Variants in PTPRN2 observed in about 807,000 individuals in gnomAD.
The protein encoded by PTPRN2 is protein tyrosine phosphatase receptor type N2.
PTPRN2 carries 74 observed loss-of-function variants against 118.8 expected under a neutral mutation model. The observed-to-expected ratio is 0.62, with a 90% CI of 0.52 to 0.76. PTPRN2 has a LOEUF of 0.76. Ranked by LOEUF, PTPRN2 falls within the 30% of genes least tolerant of loss-of-function variation. The pLI is 0.00. For synonymous variants in PTPRN2, 641 were observed against 608.0 expected, an observed-to-expected ratio of 1.05 and a Z score of -0.80; for missense variants, 1,481 against 1,394.4, an observed-to-expected ratio of 1.06 and a Z score of -0.99.
intron 12 of PTPRN2, among the ~76,000 whole-genome samples, chr7:157,890,010 A>G (rs1796707913): frequency 6.6e-6 from 1 of 152,100 alleles, no homozygotes; most frequent in Non-Finnish European, 1.5e-5. Context: ...ATGAAATCAC[A>G]GAATTTGATT....
chr7:157,941,481 C>T (rs976051565), intron 11 of PTPRN2, among the ~76,000 whole-genome samples: 4 of 151,040 alleles, frequency 2.6e-5, no homozygotes, highest in Admixed American at 6.6e-5. Context: ...CCCCCTCCCC[C>T]CTCCGTGACA....
intron 6 of PTPRN2, among the ~76,000 whole-genome samples, chr7:158,151,712 C>T (rs963434381): frequency 6.6e-6 from 1 of 152,058 alleles, no homozygotes; most frequent in African/African-American, 2.4e-5. Context: ...CAATCTTCCT[C>T]CCTCCCTCCC....
At chr7:157,941,629 C>T (rs1190291894) in intron 11 of PTPRN2, among the ~76,000 whole-genome samples, 3 of 152,246 alleles carry the variant, frequency 2.0e-5, no homozygotes, top group Non-Finnish European at 4.4e-5. Context: ...GCCATCTGTG[C>T]AGGGACATAC....
chr7:158,104,197 C>T (rs1815477848), intron 10 of PTPRN2, among the ~76,000 whole-genome samples: 1 of 152,174 alleles, frequency 6.6e-6, no homozygotes. Flanking sequence ...ATCAGGGCAT[C>T]CTGCCTGAGA....
At chr7:157,971,386 A>G (rs539572592) in intron 11 of PTPRN2, among the ~76,000 whole-genome samples, 12 of 152,364 alleles carry the variant, frequency 7.9e-5, no homozygotes, top group African/African-American at 2.9e-4. Flanking sequence ...AGTGCAGCAT[A>G]GACACACCTC....
At chr7:157,975,129 T>G (rs1379056079) in intron 11 of PTPRN2, among the ~76,000 whole-genome samples, 1 of 152,116 alleles carries the variant, frequency 6.6e-6, no homozygotes, top group Non-Finnish European at 1.5e-5. Flanking sequence ...GACCTCGATC[T>G]TGGCTTCCCC....
At chr7:157,957,150 C>T (rs4019376) in intron 11 of PTPRN2, among the ~76,000 whole-genome samples, 125,842 of 152,134 alleles carry the variant, frequency 0.83, 52,635 homozygotes, top group East Asian at 0.89. Context: ...TGAGAGCCCA[C>T]TGTTACTCTA....
intron 2 of PTPRN2, among the ~76,000 whole-genome samples, chr7:158,416,054 G>A (rs1463076804): frequency 6.6e-6 from 1 of 152,132 alleles, no homozygotes; most frequent in Non-Finnish European, 1.5e-5. Flanking sequence ...ATCCACCTTT[G>A]GTGTTGGTTT....
chr7:157,758,176 G>C (rs1453213514), intron 12 of PTPRN2, among the ~76,000 whole-genome samples: 1 of 152,260 alleles, frequency 6.6e-6, no homozygotes, highest in East Asian at 1.9e-4. Context: ...CCGGTTGCGG[G>C]GAAGAAAAGG....
chr7:158,390,588 C>T (rs1489998280), intron 2 of PTPRN2, among the ~76,000 whole-genome samples: 1 of 152,174 alleles, frequency 6.6e-6, no homozygotes, highest in East Asian at 1.9e-4. Flanking sequence ...CATCTGGACA[C>T]CGAGTGGCCG....
chr7:158,345,885 G>A (rs1807473493), intron 2 of PTPRN2, among the ~76,000 whole-genome samples: 1 of 152,198 alleles, frequency 6.6e-6, no homozygotes, highest in Admixed American at 6.5e-5. Context: ...GGGGTGGGGG[G>A]AGTGCTACAC....
rs182857292 is a variant in PTPRN2, at chr7:158,038,679, A to G, written c.1723+42619T>C. On this transcript the variant is annotated intron_variant, in intron 11 of 22. Coordinates refer to ENST00000389418, the MANE Select transcript of PTPRN2 (RefSeq NM_002847.5). ...GCATTTCTATATAAATATGGTCTACATATATATTTATATGTAACATGTATA... is the reference window on the plus strand; with the variant it reads ...GCATTTCTATATAAATATGGTCTACGTATATATTTATATGTAACATGTATA... 1.1e-4 allele frequency among the ~76,000 whole-genome samples: 16 copies of G among 149,244 alleles called. No homozygotes were observed. In the East Asian group the frequency reaches 1.9e-3, roughly 18 times the overall value.
At chr7:158,145,803 T>G (rs1344303400) in intron 6 of PTPRN2, among the ~76,000 whole-genome samples, 1 of 152,186 alleles carries the variant, frequency 6.6e-6, no homozygotes, top group Non-Finnish European at 1.5e-5. Context: ...CGATCATCCA[T>G]CCTTGTGCTG....
intron 5 of PTPRN2, among the ~76,000 whole-genome samples, chr7:158,174,490 T>TCAG (rs528512480): frequency 0.017 from 2,560 of 151,308 alleles, 64 homozygotes; most frequent in African/African-American, 0.059. Context: ...ATCATCATCA[T>TCAG]CAGCAGCAGC....
intron 11 of PTPRN2, among the ~76,000 whole-genome samples, chr7:158,073,904 A>AG (rs1812142796): frequency 6.6e-6 from 1 of 152,186 alleles, no homozygotes; most frequent in South Asian, 2.1e-4. Flanking sequence ...CTCGTCCCCC[A>AG]GGCCCACAGC....
chr7:158,446,356 G>C (rs1159314531), intron 2 of PTPRN2, among the ~76,000 whole-genome samples: 21 of 152,176 alleles, frequency 1.4e-4, no homozygotes, highest in Admixed American at 1.3e-3. Flanking sequence ...AAATTCCCAG[G>C]CCAGTATGAG....
At chr7:157,872,926 G>A (rs943572841) in intron 12 of PTPRN2, among the ~76,000 whole-genome samples, 3 of 152,234 alleles carry the variant, frequency 2.0e-5, no homozygotes, top group African/African-American at 4.8e-5. Context: ...CCCTTGCTGG[G>A]AGCACTCATT....
chr7:157,736,647 C>T (rs1471028398), intron 12 of PTPRN2, among the ~76,000 whole-genome samples: 2 of 152,148 alleles, frequency 1.3e-5, no homozygotes, highest in African/African-American at 4.8e-5. Context: ...TGGGCACGGC[C>T]ACCCGTGATG....
At chr7:158,528,242 G>A (rs1824936765) in intron 1 of PTPRN2, among the ~76,000 whole-genome samples, 1 of 152,214 alleles carries the variant, frequency 6.6e-6, no homozygotes, top group South Asian at 2.1e-4. Flanking sequence ...CAGTGTGGTG[G>A]GGGTACCCGT....
Sources: allele counts gnomAD v4.1 joint callset (sites outside exome capture counted in the v4.1 genomes callset), GRCh38; gene constraint gnomAD v4.1.1; transcripts MANE v1.5; gene names NCBI Gene and HGNC (gene_info 2026-07-23, HGNC 2026-07-21).